MCTP1: variants seen among roughly 807,000 people sequenced by gnomAD.
MCTP1 encodes multiple C2 and transmembrane domain-containing protein 1.
Under a neutral mutation model 120.6 loss-of-function variants are expected in MCTP1, and 69 were observed. The ratio of observed to expected loss-of-function variants is 0.57; its 90% CI spans 0.47 to 0.70. The LOEUF is 0.70. MCTP1 is among the 30% of genes least tolerant of loss of function. MCTP1 has a pLI of 0.00. For missense variants in MCTP1, 1,203 were observed against 1,248.8 expected (o/e 0.96, Z 0.55); for synonymous variants, 529 against 493.1 (o/e 1.07, Z -0.96).
At chr5:95,109,417 T>G (rs938619529) in intron 1 of MCTP1, among the ~76,000 whole-genome samples, 3 of 152,194 alleles carry the variant, frequency 2.0e-5, no homozygotes, top group Non-Finnish European at 4.4e-5. Flanking sequence ...AGATGAAAAC[T>G]TGTTGCTCAC....
intron 6 of MCTP1, among the ~76,000 whole-genome samples, chr5:94,927,218 A>G (rs1314992663): frequency 1.3e-5 from 2 of 152,160 alleles, no homozygotes; most frequent in Non-Finnish European, 2.9e-5. Context: ...AACTTACTAC[A>G]AATTTCAGGA....
chr5:94,793,922 G>T (rs1779476702), intron 18 of MCTP1, among the ~76,000 whole-genome samples: 1 of 152,216 alleles, frequency 6.6e-6, no homozygotes. Flanking sequence ...AGAGATAAGT[G>T]CTCTGGTTCT....
chr5:95,118,091 T>C (rs1473815205), intron 1 of MCTP1, among the ~76,000 whole-genome samples: 1 of 152,152 alleles, frequency 6.6e-6, no homozygotes, highest in Non-Finnish European at 1.5e-5. Context: ...AACTAGGTGA[T>C]GCAATGATAG....
chr5:94,971,892 A>T (rs1826975094), intron 2 of MCTP1, among the ~76,000 whole-genome samples: 1 of 152,106 alleles, frequency 6.6e-6, no homozygotes, highest in Admixed American at 6.6e-5. Flanking sequence ...AGTCCTGTGG[A>T]TTCTAATTAT....
chr5:94,850,313 C>T (rs1297332363), intron 17 of MCTP1, among the ~76,000 whole-genome samples: 4 of 152,096 alleles, frequency 2.6e-5, no homozygotes, highest in East Asian at 1.9e-4. Context: ...CATAAGTAAT[C>T]GGTAGGCTAC....
At position 94,748,882 on chromosome 5, in the gene MCTP1, G is replaced by A. The variant is rs190439826; in HGVS notation, c.2610+30228C>T. Among the ~76,000 whole-genome samples, 264 of 152,262 alleles carry A rather than the reference G, an allele frequency of 1.7e-3. 1 individual carries two copies. Among genetic ancestry groups the A allele is most frequent in the African/African-American group, 5.9e-3 (246 of 41,548 alleles). ...AGAGGATATTACCTTGACTGGACACGGTGGACTGACTACACAGACTGGCCA... is the reference window on the plus strand; with the variant it reads ...AGAGGATATTACCTTGACTGGACACAGTGGACTGACTACACAGACTGGCCA... On this transcript the variant is annotated intron_variant, in intron 19 of 22. Transcript: ENST00000515393.
In MCTP1 at chr5:95,090,147, C is replaced by A. The variant is rs747184250; in HGVS notation, c.721-72663G>T. 1.1e-4 allele frequency among the ~76,000 whole-genome samples: 16 copies of A among 152,148 alleles called. 1 individual carries two copies. The highest frequency in any genetic ancestry group is 9.2e-4 in the Admixed American group (14 of 15,274). ...CAGTTAAGAGAGCATGTTTTAAAATCGGACAACCTAGGCATAAATTATGTC... is the reference window on the plus strand; with the variant it reads ...CAGTTAAGAGAGCATGTTTTAAAATAGGACAACCTAGGCATAAATTATGTC... On this transcript the variant is annotated intron_variant, in intron 1 of 22. Transcript: ENST00000515393.
intron 1 of MCTP1, among the ~76,000 whole-genome samples, chr5:95,257,947 T>A (rs983280539): frequency 2.6e-5 from 4 of 152,134 alleles, no homozygotes; most frequent in African/African-American, 9.7e-5. Flanking sequence ...ATCCAAAGTA[T>A]AAAATAAATA....
intron 2 of MCTP1, among the ~76,000 whole-genome samples, chr5:94,985,179 G>A (rs1830229587): frequency 6.6e-6 from 1 of 152,098 alleles, no homozygotes; most frequent in Admixed American, 6.6e-5. Context: ...GAGAACCTGT[G>A]ATAACAGGCA....
At chr5:95,068,924 C>A in intron 1 of MCTP1, 1 of 483,516 alleles carries the variant, frequency 2.1e-6, no homozygotes. Context: ...GCGAATTAGG[C>A]TTAGTTCCAG....
chr5:94,951,349 G>A (rs1820524211), intron 3 of MCTP1, among the ~76,000 whole-genome samples: 2 of 152,182 alleles, frequency 1.3e-5, no homozygotes, highest in South Asian at 2.1e-4. Context: ...AATAAGAAAA[G>A]CACCTGACCA....
At chr5:95,183,630 T>C (rs931126378) in intron 1 of MCTP1, among the ~76,000 whole-genome samples, 7 of 151,834 alleles carry the variant, frequency 4.6e-5, no homozygotes, top group Non-Finnish European at 1.0e-4. Flanking sequence ...AAAGACAAAC[T>C]ACTGACTAAA....
rs148773037 is a variant in MCTP1 at position 95,130,660 on chromosome 5, G to C, written c.721-113176C>G. Among the ~76,000 whole-genome samples the C allele has an allele frequency of 3.6e-3, 552 of 152,220 alleles. 2 individuals carry two copies. Among genetic ancestry groups the C allele is most frequent in the Non-Finnish European group, 5.9e-3 (400 of 68,018 alleles). ...GTTTCTTCTGAGGCCTCTCTTCTTG[G>C]CTTGTCGATGGCTGTCTTCTCCCTG... On this transcript the variant is annotated intron_variant, in intron 1 of 22. Transcript: ENST00000515393.
intron 1 of MCTP1, among the ~76,000 whole-genome samples, chr5:95,221,544 T>C (rs1753698377): frequency 6.6e-6 from 1 of 152,236 alleles, no homozygotes; most frequent in African/African-American, 2.4e-5. Flanking sequence ...CAGTCTGTAA[T>C]GGTAGTGACA....
intron 1 of MCTP1, among the ~76,000 whole-genome samples, chr5:95,052,568 T>C (rs1009184810): frequency 3.3e-5 from 5 of 152,204 alleles, no homozygotes; most frequent in African/African-American, 1.2e-4. Context: ...AGTTTCCCAA[T>C]AGCTCCTATG....
At chr5:94,837,761 G>T (rs536996079) in intron 17 of MCTP1, among the ~76,000 whole-genome samples, 14 of 152,148 alleles carry the variant, frequency 9.2e-5, no homozygotes, top group African/African-American at 3.4e-4. Flanking sequence ...AGACGGGGGC[G>T]CTGGTTAATT....
At chr5:95,262,242 A>G (rs1047735226) in intron 1 of MCTP1, among the ~76,000 whole-genome samples, 2 of 152,160 alleles carry the variant, frequency 1.3e-5, no homozygotes, top group African/African-American at 4.8e-5. Context: ...AATCAATCCT[A>G]CAATCCACAG....
At chr5:94,908,256 G>A (rs962452764) in intron 10 of MCTP1, among the ~76,000 whole-genome samples, 4 of 151,910 alleles carry the variant, frequency 2.6e-5, no homozygotes, top group African/African-American at 9.7e-5. Context: ...ATTAGATTAC[G>A]GTGGTGTTTT....
Position 94,894,636 on chromosome 5 carries a change from G to C in MCTP1, c.1839+13C>G. On this transcript the variant is annotated intron_variant, in intron 11 of 22. Coordinates refer to ENST00000515393, the MANE Select transcript of MCTP1 (RefSeq NM_024717.7). ...CACATGTGTCTCTGGAAGGAGGAGG[G>C]TTACATACGTACATATCTCTTTAAT... 1 of 1,552,616 alleles carries C rather than the reference G, an allele frequency of 6.4e-7. No individual in the cohort carries two copies. The highest frequency in any genetic ancestry group is 8.8e-7 in the Non-Finnish European group (1 of 1,135,614).
Sources: gnomAD v4.1 joint callset for allele counts (sites outside exome capture counted in the v4.1 genomes callset) on GRCh38, gnomAD v4.1.1 for gene constraint, MANE v1.5 for transcripts, NCBI Gene and HGNC (gene_info 2026-07-23, HGNC 2026-07-21) for gene names.